Variants in MIPOL1 observed in about 807,000 individuals in gnomAD.
MIPOL1 encodes the protein mirror-image polydactyly 1.
Under a neutral mutation model 60.9 loss-of-function variants are expected in MIPOL1, and 57 were observed. That is an observed-to-expected ratio of 0.94 (90% confidence interval 0.76 to 1.17). MIPOL1 has a LOEUF of 1.17. Among genes scored for constraint, MIPOL1 ranks in the 50% most tolerant of loss-of-function variants. MIPOL1 has a pLI of 0.00. For missense variants in MIPOL1, 551 were observed against 511.6 expected (o/e 1.08, Z -0.74); for synonymous variants, 179 against 168.8 (o/e 1.06, Z -0.47).
chr14:37,493,344 T>C (rs2095072343), intron 11 of MIPOL1, among the ~76,000 whole-genome samples: 1 of 152,174 alleles, frequency 6.6e-6, no homozygotes, highest in Non-Finnish European at 1.5e-5. Flanking sequence ...TCATAAACCT[T>C]ATAATTCCAA....
chr14:37,264,234 T>C (rs2082707004), intron 3 of MIPOL1, among the ~76,000 whole-genome samples: 1 of 152,020 alleles, frequency 6.6e-6, no homozygotes, highest in Non-Finnish European at 1.5e-5. Context: ...TAAAGAAAAT[T>C]AGGCAAAATG....
At chr14:37,267,237 C>A in intron 4 of MIPOL1, 68 bp downstream of exon 4, 1 of 1,237,676 alleles carries the variant, frequency 8.1e-7, no homozygotes, top group Non-Finnish European at 1.2e-6. Flanking sequence ...CCTGTAATCT[C>A]AGCACTTTGG....
chr14:37,525,501 A>G (rs973494006), intron 12 of MIPOL1, among the ~76,000 whole-genome samples: 2 of 152,192 alleles, frequency 1.3e-5, no homozygotes, highest in Non-Finnish European at 2.9e-5. Flanking sequence ...TGAATTTGCT[A>G]TGGCATATGA....
chr14:37,448,771 A>T (rs987394107), intron 11 of MIPOL1, among the ~76,000 whole-genome samples: 6 of 152,216 alleles, frequency 3.9e-5, no homozygotes. Flanking sequence ...CTTACTTTAT[A>T]CTGTTAATTA....
At chr14:37,227,854 C>T (rs978530637) in intron 1 of MIPOL1, 1 of 152,084 alleles carries the variant, frequency 6.6e-6, no homozygotes, top group Non-Finnish European at 1.5e-5. Context: ...TCCTGAAATT[C>T]GCTTGTATCA....
chr14:37,362,442 C>G (rs1595404851), intron 9 of MIPOL1, among the ~76,000 whole-genome samples: 1 of 152,200 alleles, frequency 6.6e-6, no homozygotes, highest in East Asian at 1.9e-4. Flanking sequence ...GACCCCCACT[C>G]TCTTCTGGCT....
chr14:37,416,189 A>G (rs2093765796), intron 10 of MIPOL1, among the ~76,000 whole-genome samples: 1 of 152,192 alleles, frequency 6.6e-6, no homozygotes, highest in African/African-American at 2.4e-5. Flanking sequence ...AAGAGAATTC[A>G]ACTTAAACTA....
rs2086708920 is a variant in MIPOL1 at position 37,305,513 on chromosome 14, TA to T, written c.624-2539del. 4.6e-5 allele frequency among the ~76,000 whole-genome samples: 7 copies of T among 151,920 alleles called. No homozygotes were observed. The South Asian group carries it at 1.0e-3, about 22-fold the overall frequency. On this transcript the variant is annotated intron_variant, in intron 7 of 12. Transcript: ENST00000684589. ...TGATAAGAGAGCCTATGGTAAAGCC[TA>T]AAATAATTACTATTTGGCCATTTGC...
intron 11 of MIPOL1, among the ~76,000 whole-genome samples, chr14:37,494,981 G>T (rs1245980869): frequency 6.6e-6 from 1 of 151,772 alleles, no homozygotes; most frequent in African/African-American, 2.4e-5. Flanking sequence ...GTATAAATTT[G>T]CCCCCTAAAA....
chr14:37,331,795 C>CAGT (rs2089712383), intron 9 of MIPOL1, among the ~76,000 whole-genome samples: 1 of 152,080 alleles, frequency 6.6e-6, no homozygotes, highest in Non-Finnish European at 1.5e-5. Context: ...CTAGGACTTT[C>CAGT]AGTAATATGT....
At chr14:37,412,658 G>A (rs1301083597) in intron 10 of MIPOL1, among the ~76,000 whole-genome samples, 7 of 152,058 alleles carry the variant, frequency 4.6e-5, no homozygotes, top group Non-Finnish European at 8.8e-5. Flanking sequence ...TTTAGTGAAG[G>A]TGAAGATTAG....
chr14:37,494,619 CTG>C lies in MIPOL1; in HGVS notation c.1032-5287_1032-5286del, dbSNP rs576943387. Among the ~76,000 whole-genome samples, 37 of 152,284 alleles carry C rather than the reference CTG, an allele frequency of 2.4e-4. 1 individual carries two copies. In the South Asian group the frequency reaches 7.4e-3, roughly 31 times the overall value. On this transcript the variant is annotated intron_variant, in intron 11 of 12. Coordinates refer to ENST00000684589, the MANE Select transcript of MIPOL1 (RefSeq NM_001388067.1). ...GAGGTTTCCAGTGCAGACATAAAGACTGTAGGTTCAAATTCTGGCTCTGCTAC... is the reference window on the plus strand; with the variant it reads ...GAGGTTTCCAGTGCAGACATAAAGACTAGGTTCAAATTCTGGCTCTGCTAC...
At chr14:37,307,093 C>T (rs1380438343) in intron 7 of MIPOL1, among the ~76,000 whole-genome samples, 1 of 151,648 alleles carries the variant, frequency 6.6e-6, no homozygotes, top group African/African-American at 2.4e-5. Context: ...CATTTTGTGG[C>T]ATATTTATTA....
chr14:37,485,240 C>A (rs2094929653), intron 11 of MIPOL1, among the ~76,000 whole-genome samples: 1 of 152,164 alleles, frequency 6.6e-6, no homozygotes, highest in Non-Finnish European at 1.5e-5. Context: ...CACTGATGGG[C>A]ATTTGGGTTG....
intron 9 of MIPOL1, among the ~76,000 whole-genome samples, chr14:37,333,644 A>G (rs973089635): frequency 1.3e-5 from 2 of 152,142 alleles, no homozygotes; most frequent in African/African-American, 2.4e-5. Context: ...GAGTATTACC[A>G]GAGATAAAGA....
intron 1 of MIPOL1, among the ~76,000 whole-genome samples, chr14:37,212,015 A>T (rs1157207113): frequency 6.6e-5 from 10 of 152,092 alleles, no homozygotes; most frequent in Admixed American, 6.5e-4. Context: ...TTCTGGCAGC[A>T]TTCATCACTT....
chr14:37,318,271 A>G (rs2088151114), intron 9 of MIPOL1, among the ~76,000 whole-genome samples: 1 of 152,198 alleles, frequency 6.6e-6, no homozygotes, highest in Admixed American at 6.5e-5. Context: ...TGCTTCTTAT[A>G]ATTAGCATAG....
chr14:37,228,628 T>C lies in MIPOL1; in HGVS notation c.-198-18475T>C, dbSNP rs952379692. Among the ~76,000 whole-genome samples, 9 of 152,308 alleles carry C rather than the reference T, an allele frequency of 5.9e-5. No homozygotes were observed. The East Asian group carries it at 1.3e-3, about 23-fold the overall frequency. ...TACCTATGAAATGTAGTTCTTTCTT[T>C]AGGAAGCAAATTATCTTTCTTTCAA... On this transcript the variant is annotated intron_variant, in intron 1 of 12. Coordinates refer to ENST00000684589, the MANE Select transcript of MIPOL1 (RefSeq NM_001388067.1).
intron 12 of MIPOL1, among the ~76,000 whole-genome samples, chr14:37,508,112 G>T (rs772435000): frequency 6.6e-6 from 1 of 152,034 alleles, no homozygotes; most frequent in Non-Finnish European, 1.5e-5. Flanking sequence ...ATAAGACTTC[G>T]TAAGATGGTA....
Sources: allele counts gnomAD v4.1 joint callset (sites outside exome capture counted in the v4.1 genomes callset), GRCh38; gene constraint gnomAD v4.1.1; transcripts MANE v1.5; gene names NCBI Gene and HGNC (gene_info 2026-07-23, HGNC 2026-07-21).